ZNF473: variants seen among roughly 807,000 people sequenced by gnomAD.
ZNF473 encodes zinc finger protein 473, also known as zinc finger protein 100 homolog.
ZNF473 carries 4 observed loss-of-function variants against 11.1 expected under a neutral mutation model. The observed-to-expected ratio is 0.36, with a 90% CI of 0.18 to 0.82. The LOEUF (loss-of-function observed/expected upper bound fraction) is 0.82. ZNF473 is among the 40% of genes least tolerant of loss of function. ZNF473 has a pLI of 0.49. For synonymous variants in ZNF473, 404 were observed against 390.4 expected (o/e 1.03, Z -0.41); for missense variants, 854 against 1,084.0 (o/e 0.79, Z 2.98).
At chr19:50,028,154 C>T (rs899671434) in intron 1 of ZNF473, among the ~76,000 whole-genome samples, 1 of 151,950 alleles carries the variant, frequency 6.6e-6, no homozygotes, top group Non-Finnish European at 1.5e-5. Context: ...AAAAATTCTC[C>T]GGGCGTGGTG....
At chr19:50,035,080 T>C (rs1356466946) in intron 2 of ZNF473, among the ~76,000 whole-genome samples, 1 of 152,106 alleles carries the variant, frequency 6.6e-6, no homozygotes, top group Non-Finnish European at 1.5e-5. Flanking sequence ...TTGCTTGAGC[T>C]CAGGAGTTCA....
chr19:50,041,465 G>A (rs1978763572), intron 3 of ZNF473: 1 of 276,324 alleles, frequency 3.6e-6, no homozygotes, highest in Admixed American at 5.3e-5. Flanking sequence ...TTAAAGAGCT[G>A]TCACAAGTCC....
chr19:50,034,713 C>T (rs565124491), intron 2 of ZNF473, among the ~76,000 whole-genome samples: 110 of 149,334 alleles, frequency 7.4e-4, no homozygotes, highest in Middle Eastern at 3.4e-3. Flanking sequence ...AGTTAGAGAA[C>T]AGTTATTCGG....
At position 50,046,844 on chromosome 19, in the gene ZNF473, C is replaced by G; in HGVS notation, c.2401C>G (p.Leu801Val). The G allele has an allele frequency of 6.2e-7, 1 of 1,614,182 alleles. No homozygotes were observed. ...CGKAFAQKAN[L>V]TQHQRIHTGE... ...GAAAGCCTTTGCCCAGAAAGCAAAT[C>G]TAACACAGCACCAGAGAATTCACAC... The change falls in exon 5 of 5, where the codon CTA (leucine) becomes GTA (valine). Residue 801 changes from leucine to valine, a missense_variant. This residue lies in a region of ZNF473 where 186 missense variants were observed against 293.8 expected (regional missense o/e 0.63). Transcript: ENST00000270617. The surrounding 1 kb of genome is among the most constrained non-coding windows in gnomAD (Gnocchi z 5.9).
chr19:50,031,299 C>T (rs58435652), intron 2 of ZNF473, among the ~76,000 whole-genome samples: 7,975 of 152,212 alleles, frequency 0.052, 688 homozygotes, highest in African/African-American at 0.18. Flanking sequence ...GCTGTTCTTT[C>T]CTGTTTGTAC....
At position 50,045,218 on chromosome 19, in the gene ZNF473, C is replaced by T. The variant is rs1199897527; in HGVS notation, c.775C>T (p.His259Tyr). 2.5e-6 allele frequency: 4 copies of T among 1,614,088 alleles called. No individual in the cohort carries two copies. In the African/African-American group the frequency reaches 5.3e-5, roughly 22 times the overall value. ...TTCCCTTTCTGTGTATCCGAAAACT[C>T]ACACGGGCTACAAATTCTATGTGTG... ...NASLSVYPKT[H>Y]TGYKFYVCNE... The change falls in exon 5 of 5, where the codon CAC becomes TAC. Residue 259 changes from histidine (H) to tyrosine (Y), a missense_variant. Around this residue, in one of 2 missense-constraint regions of ZNF473, gnomAD observed 668 missense variants for 790.2 expected, o/e 0.85. Coordinates refer to ENST00000270617, the MANE Select transcript of ZNF473 (RefSeq NM_015428.4).
In ZNF473 at chr19:50,045,266, A is replaced by T. The variant is rs1440974558; in HGVS notation, c.823A>T (p.Ser275Cys). The change falls in exon 5 of 5, where the codon AGT (serine) becomes TGT (cysteine). Residue 275 changes from serine to cysteine, a missense_variant. Around this residue, in one of 2 missense-constraint regions of ZNF473, gnomAD observed 668 missense variants for 790.2 expected, o/e 0.85. Transcript: ENST00000270617. Reference protein sequence around the residue: ...YVCNEYGTTFSQSTYLWHQKT... With the variant: ...YVCNEYGTTFCQSTYLWHQKT... ...GTGTAATGAATATGGGACAACTTTT[A>T]GTCAGAGTACATACCTGTGGCATCA... 1 of 1,614,226 alleles carries T rather than the reference A, an allele frequency of 6.2e-7. No homozygotes were observed. Among genetic ancestry groups the T allele is most frequent in the Non-Finnish European group, 8.5e-7 (1 of 1,180,046 alleles).
intron 2 of ZNF473, among the ~76,000 whole-genome samples, chr19:50,038,864 T>A (rs753933388): frequency 6.6e-6 from 1 of 152,228 alleles, no homozygotes; most frequent in East Asian, 1.9e-4. Context: ...AAGTCTTGAA[T>A]GAACACTTAA....
chr19:50,042,742 T>C (rs1568409424), intron 4 of ZNF473: 1 of 152,250 alleles, frequency 6.6e-6, no homozygotes, highest in Non-Finnish European at 1.5e-5. Context: ...AGGGCTTAGC[T>C]GATTCACCCT....
Position 50,029,997 on chromosome 19 carries a change from C to T in ZNF473, c.-191-895C>T, listed in dbSNP as rs540142299. On this transcript the variant is annotated intron_variant, in intron 1 of 4. Transcript: ENST00000270617. Reference sequence around the variant, plus strand: ...TTCCGAGTAGCTGGGATCACAGGCACGTCCCACCAAGCCCAGCTAATTTTT... The same window carrying T: ...TTCCGAGTAGCTGGGATCACAGGCATGTCCCACCAAGCCCAGCTAATTTTT... Among the ~76,000 whole-genome samples, 31 of 152,174 alleles carry T rather than the reference C, an allele frequency of 2.0e-4. No individual in the cohort carries two copies. The South Asian group carries it at 2.9e-3, about 14-fold the overall frequency.
rs374171353 is a variant in ZNF473 at position 50,045,651 on chromosome 19, A to G, written c.1208A>G (p.Tyr403Cys). Reference protein sequence around the residue: ...HQALHAGEEPYKCNERGKSFR... With the variant: ...HQALHAGEEPCKCNERGKSFR... Reference sequence around the variant, plus strand: ...GCTCTTCATGCTGGAGAGGAGCCTTATAAGTGTAACGAACGTGGGAAATCC... The same window carrying G: ...GCTCTTCATGCTGGAGAGGAGCCTTGTAAGTGTAACGAACGTGGGAAATCC... The change falls in exon 5 of 5, where the codon TAT becomes TGT. Residue 403 changes from tyrosine to cysteine, a missense_variant. This residue lies in a region of ZNF473 where 668 missense variants were observed against 790.2 expected (regional missense o/e 0.85). Coordinates refer to ENST00000270617, the MANE Select transcript of ZNF473 (RefSeq NM_015428.4). 1.6e-4 allele frequency: 253 copies of G among 1,614,140 alleles called. 5 individuals are homozygous for G. The South Asian group carries it at 2.2e-3, about 14-fold the overall frequency.
intron 2 of ZNF473, among the ~76,000 whole-genome samples, chr19:50,037,280 G>A (rs1568406800): frequency 6.6e-6 from 1 of 152,134 alleles, no homozygotes; most frequent in Non-Finnish European, 1.5e-5. Flanking sequence ...GCAGGAATTG[G>A]GGTCACAAGA....
chr19:50,048,394 G>A lies in ZNF473; in HGVS notation c.*1335G>A, dbSNP rs1979261029. On this transcript the variant is annotated 3_prime_UTR_variant, in exon 5 of 5. Transcript: ENST00000270617. Reference sequence around the variant, plus strand: ...GGTGCTGAAAATGGTGAGGGAGTGAGTGCTCTGCACCCTTGGGCTTTTCAA... The same window carrying A: ...GGTGCTGAAAATGGTGAGGGAGTGAATGCTCTGCACCCTTGGGCTTTTCAA... The A allele has an allele frequency of 1.3e-5, 2 of 152,222 alleles. No individual in the cohort carries two copies. Among genetic ancestry groups the A allele is most frequent in the African/African-American group, 2.4e-5 (1 of 41,462 alleles). The allele number at this position is 152,222 out of a possible 1,614,324, so 9.4% of individuals were successfully genotyped here.
chr19:50,030,628 A>G lies in ZNF473; in HGVS notation c.-191-264A>G, dbSNP rs115778033. ...TTTAGACACCTTCGTTCTGTCAACA[A>G]CTGTAGGTACTTTTACACCTACTGT... On this transcript the variant is annotated intron_variant, in intron 1 of 4. Coordinates refer to ENST00000270617, the MANE Select transcript of ZNF473 (RefSeq NM_015428.4). Among the ~76,000 whole-genome samples, 283 of 152,338 alleles carry G rather than the reference A, an allele frequency of 1.9e-3. 2 individuals are homozygous for G. Among genetic ancestry groups the G allele is most frequent in the African/African-American group, 6.6e-3 (274 of 41,588 alleles).
In ZNF473 at chr19:50,046,686, A is replaced by G. The variant is rs1170015412; in HGVS notation, c.2243A>G (p.His748Arg). The G allele has an allele frequency of 3.1e-6, 5 of 1,614,116 alleles. No individual in the cohort carries two copies. Among genetic ancestry groups the G allele is most frequent in the Non-Finnish European group, 4.2e-6 (5 of 1,180,032 alleles). Reference protein sequence around the residue: ...AFGLSAELVRHQRIHTGEKPY... With the variant: ...AFGLSAELVRRQRIHTGEKPY... ...GGCCTGAGTGCTGAGCTTGTCCGCC[A>G]CCAGAGAATTCACACTGGAGAAAAG... The change falls in exon 5 of 5, where the codon CAC (histidine) becomes CGC (arginine). Residue 748 changes from histidine (H) to arginine (R), a missense_variant. Coordinates refer to ENST00000270617, the MANE Select transcript of ZNF473 (RefSeq NM_015428.4). The surrounding 1 kb of genome is among the most constrained non-coding windows in gnomAD (Gnocchi z 5.9).
chr19:50,044,680 G>C lies in ZNF473; in HGVS notation c.237G>C (p.Glu79Asp), dbSNP rs1377385406. 2.5e-6 allele frequency: 4 copies of C among 1,609,072 alleles called. No homozygotes were observed. The highest frequency in any genetic ancestry group is 3.4e-6 in the Non-Finnish European group (4 of 1,177,622). The change falls in exon 5 of 5, where the codon GAG (glutamate) becomes GAC (aspartate). Residue 79 changes from glutamate to aspartate, a missense_variant. Glu to Asp is a conservative substitution (Grantham distance 45, BLOSUM62 2). Around this residue, in one of 2 missense-constraint regions of ZNF473, gnomAD observed 668 missense variants for 790.2 expected, o/e 0.85. Transcript: ENST00000270617. The stretch of plus-strand genomic sequence containing the variant: ...CACTTGCTCTTTCAGATGTGACTGA[G>C]ACCAAGAACTCTCCTCTGATGGAGG... The part of the protein sequence containing the change: ...SPEATSPDVT[E>D]TKNSPLMEDF...
rs371228635 is a variant in ZNF473, at chr19:50,046,183, C to T, written c.1740C>T (p.His580=). Residue 580 remains histidine (H), a synonymous_variant, in exon 5 of 5, where the codon CAC becomes CAT. Coordinates refer to ENST00000270617, the MANE Select transcript of ZNF473 (RefSeq NM_015428.4). This position sits in a 1 kb window ranked among gnomAD's most constrained non-coding sequence, Gnocchi z 5.9. ...GCTGCAGCAAATACCTAACTCAGCA[C>T]GAGAGGATTCACACCAGGGGAGTGA... ...TFSCSKYLTQ[H]ERIHTRGVKP... is the part of the protein sequence containing the mutation. The T allele has an allele frequency of 6.8e-5, 110 of 1,614,148 alleles. No homozygotes were observed. Among genetic ancestry groups the T allele is most frequent in the Middle Eastern group, 3.3e-4 (2 of 6,062 alleles).
intron 1 of ZNF473, among the ~76,000 whole-genome samples, chr19:50,029,436 G>A (rs1398664993): frequency 6.6e-6 from 1 of 152,238 alleles, no homozygotes; most frequent in Non-Finnish European, 1.5e-5. Flanking sequence ...ATGAGCCACT[G>A]CGGCCAGCCC....
chr19:50,034,820 C>A (rs1312156754), intron 2 of ZNF473, among the ~76,000 whole-genome samples: 2 of 152,176 alleles, frequency 1.3e-5, no homozygotes. Context: ...TCCCAGTTGG[C>A]AGCTAGGTCC....
Sources: gnomAD v4.1 joint callset for allele counts (sites outside exome capture counted in the v4.1 genomes callset) on GRCh38, gnomAD v4.1.1 for gene constraint, gnomAD v4.1.1 regional missense constraint, Gnocchi (gnomAD v3.1) non-coding constraint, MANE v1.5 for transcripts, NCBI Gene and HGNC (gene_info 2026-07-23, HGNC 2026-07-21) for gene names.